The following SGCZ variants were observed in gnomAD, a reference collection of about 807,000 sequenced individuals.
SGCZ encodes zeta-sarcoglycan.
In SGCZ, 40 loss-of-function variants were observed where a neutral mutation model predicts 41.3. That is an observed-to-expected ratio of 0.97 (90% CI 0.75 to 1.26). The LOEUF is 1.26. Ranked by LOEUF, SGCZ falls within the 50% of genes most tolerant of loss-of-function variation. SGCZ has a pLI of 0.00. For synonymous variants in SGCZ, 206 were observed against 137.5 expected (o/e 1.50, Z -3.49); for missense variants, 552 against 369.8 (o/e 1.49, Z -4.04).
intron 1 of SGCZ, among the ~76,000 whole-genome samples, chr8:14,857,963 A>T (rs1454874308): frequency 6.6e-6 from 1 of 152,170 alleles, no homozygotes; most frequent in Non-Finnish European, 1.5e-5. Flanking sequence ...AAGATTCAAA[A>T]ATACTTATTT....
intron 1 of SGCZ, among the ~76,000 whole-genome samples, chr8:14,924,381 G>A (rs966838279): frequency 1.3e-5 from 2 of 152,130 alleles, no homozygotes; most frequent in South Asian, 2.1e-4. Context: ...TTTCCTACAT[G>A]ACACTAGAGA....
chr8:15,222,424 T>C (rs1801634049), intron 1 of SGCZ, among the ~76,000 whole-genome samples: 2 of 151,880 alleles, frequency 1.3e-5, no homozygotes, highest in African/African-American at 4.8e-5. Context: ...TTTTCTGTCA[T>C]GGAAAATATT....
At chr8:14,606,840 G>A (rs1428856464) in intron 1 of SGCZ, among the ~76,000 whole-genome samples, 1 of 152,056 alleles carries the variant, frequency 6.6e-6, no homozygotes, top group Non-Finnish European at 1.5e-5. Flanking sequence ...TGATAATAGT[G>A]GCTTTTTGTT....
intron 1 of SGCZ, among the ~76,000 whole-genome samples, chr8:14,641,514 G>A (rs567424430): frequency 6.6e-5 from 10 of 151,664 alleles, no homozygotes; most frequent in East Asian, 5.8e-4. Context: ...TGTTTAAAAC[G>A]TTTTTAGAGT....
chr8:14,466,434 A>T (rs1275838034), intron 2 of SGCZ, among the ~76,000 whole-genome samples: 1 of 151,982 alleles, frequency 6.6e-6, no homozygotes, highest in Admixed American at 6.6e-5. Context: ...CTAGATTATA[A>T]CATGTATTGA....
chr8:15,233,211 T>C (rs1802012400), intron 1 of SGCZ, among the ~76,000 whole-genome samples: 1 of 151,812 alleles, frequency 6.6e-6, no homozygotes, highest in African/African-American at 2.4e-5. Flanking sequence ...AGAGTACTAT[T>C]TTTCACTATA....
intron 1 of SGCZ, among the ~76,000 whole-genome samples, chr8:14,700,193 A>AT (rs1426276804): frequency 6.6e-6 from 1 of 152,012 alleles, no homozygotes; most frequent in Non-Finnish European, 1.5e-5. Context: ...TAATAAAGAC[A>AT]TGAAATCAAC....
chr8:15,123,604 G>A (rs1021093507), intron 1 of SGCZ, among the ~76,000 whole-genome samples: 1 of 152,120 alleles, frequency 6.6e-6, no homozygotes, highest in South Asian at 2.1e-4. Flanking sequence ...GAACCTGGGT[G>A]TCTTAATAAT....
At chr8:14,764,748 T>G (rs1232750836) in intron 1 of SGCZ, among the ~76,000 whole-genome samples, 1 of 152,180 alleles carries the variant, frequency 6.6e-6, no homozygotes, top group East Asian at 1.9e-4. Context: ...TAAAAACAAT[T>G]AGAAAAACTT....
intron 1 of SGCZ, among the ~76,000 whole-genome samples, chr8:14,986,169 G>C (rs947316714): frequency 6.6e-6 from 1 of 151,844 alleles, no homozygotes; most frequent in Non-Finnish European, 1.5e-5. Context: ...ATACAGGTAT[G>C]GAACATTTTT....
intron 4 of SGCZ, among the ~76,000 whole-genome samples, chr8:14,235,044 T>C (rs1190186706): frequency 6.6e-6 from 1 of 152,160 alleles, no homozygotes; most frequent in Non-Finnish European, 1.5e-5. Context: ...AATATACAAT[T>C]CCCTACCGTT....
At chr8:15,188,427 A>C (rs1800419348) in intron 1 of SGCZ, among the ~76,000 whole-genome samples, 1 of 152,144 alleles carries the variant, frequency 6.6e-6, no homozygotes, top group Non-Finnish European at 1.5e-5. Flanking sequence ...GATATAGAAT[A>C]AGCAGATGCT....
intron 2 of SGCZ, among the ~76,000 whole-genome samples, chr8:14,553,907 C>G (rs541454945): frequency 6.6e-6 from 1 of 152,084 alleles, no homozygotes; most frequent in African/African-American, 2.4e-5. Context: ...AAGATACTTG[C>G]TTGTATGTGG....
chr8:14,792,215 A>T (rs1003638632), intron 1 of SGCZ, among the ~76,000 whole-genome samples: 4 of 152,240 alleles, frequency 2.6e-5, no homozygotes, highest in Admixed American at 6.5e-5. Flanking sequence ...TATAACATAA[A>T]GTTTTACGGT....
intron 1 of SGCZ, among the ~76,000 whole-genome samples, chr8:14,987,851 G>A (rs535319094): frequency 3.9e-5 from 6 of 152,010 alleles, no homozygotes; most frequent in East Asian, 1.9e-4. Flanking sequence ...CAATTAATAC[G>A]TGTATTAAAT....
intron 1 of SGCZ, among the ~76,000 whole-genome samples, chr8:14,705,810 T>G (rs1043558045): frequency 7.2e-5 from 11 of 152,040 alleles, no homozygotes; most frequent in African/African-American, 1.9e-4. Flanking sequence ...TTTTTACCCT[T>G]TTTTATTCAG....
chr8:15,071,863 C>T (rs1235714581), intron 1 of SGCZ, among the ~76,000 whole-genome samples: 1 of 152,008 alleles, frequency 6.6e-6, no homozygotes, highest in Non-Finnish European at 1.5e-5. Flanking sequence ...GAGGTGAGTT[C>T]GCTGAAGACT....
chr8:15,049,080 G>A (rs1284462682), intron 1 of SGCZ, among the ~76,000 whole-genome samples: 1 of 152,120 alleles, frequency 6.6e-6, no homozygotes, highest in African/African-American at 2.4e-5. Context: ...TCTGCCACAT[G>A]TAATGCACAG....
chr8:15,036,525 C>T (rs1401332576), intron 1 of SGCZ, among the ~76,000 whole-genome samples: 4 of 151,916 alleles, frequency 2.6e-5, no homozygotes, highest in Non-Finnish European at 4.4e-5. Context: ...ACCTATGTAA[C>T]AAACATTCAT....
Sources: gnomAD v4.1 joint callset for allele counts (sites outside exome capture counted in the v4.1 genomes callset) on GRCh38, gnomAD v4.1.1 for gene constraint, MANE v1.5 for transcripts, NCBI Gene and HGNC (gene_info 2026-07-23, HGNC 2026-07-21) for gene names.